Variants in SLC6A11 observed in about 807,000 individuals in gnomAD.
SLC6A11 encodes the protein sodium- and chloride-dependent GABA transporter 3.
Under a neutral mutation model 74.8 loss-of-function variants are expected in SLC6A11, and 25 were observed. That is an observed-to-expected ratio of 0.33 (90% CI 0.24 to 0.47). The LOEUF (loss-of-function observed/expected upper bound fraction) is 0.47, where lower values mean the gene tolerates loss of function less well. Ranked by LOEUF, SLC6A11 falls within the 20% of genes least tolerant of loss-of-function variation. SLC6A11 has a pLI of 1.00. For missense variants in SLC6A11, 574 were observed against 837.0 expected (o/e 0.69, Z 3.88); for synonymous variants, 330 against 330.2 (o/e 1.00, Z 0.01).
intron 6 of SLC6A11, among the ~76,000 whole-genome samples, chr3:10,906,694 A>G (rs1465678239): frequency 5.3e-5 from 8 of 152,198 alleles, no homozygotes; most frequent in Admixed American, 5.2e-4. Context: ...GGCTTCATGG[A>G]TATTAAGGAG....
intron 10 of SLC6A11, 37 bp downstream of exon 10, chr3:10,929,376 G>A (rs763146831): frequency 5.4e-5 from 86 of 1,606,262 alleles, no homozygotes; most frequent in Non-Finnish European, 7.2e-5. Context: ...GGGTGAAGTG[G>A]GTGTGTGACG....
chr3:10,932,012 G>T (rs1293733379), intron 10 of SLC6A11, among the ~76,000 whole-genome samples: 1 of 151,624 alleles, frequency 6.6e-6, no homozygotes, highest in Non-Finnish European at 1.5e-5. Flanking sequence ...TGGTATTCAG[G>T]CTACCCCACC....
At chr3:10,924,199 TATA>T (rs1251037954) in intron 8 of SLC6A11, among the ~76,000 whole-genome samples, 1 of 152,202 alleles carries the variant, frequency 6.6e-6, no homozygotes, top group Non-Finnish European at 1.5e-5. Context: ...TTAATGGTAT[TATA>T]CCAATATTAA....
intron 12 of SLC6A11, 70 bp from the exon 13 acceptor site, chr3:10,934,959 C>A: frequency 7.2e-7 from 1 of 1,379,674 alleles, no homozygotes; most frequent in Non-Finnish European, 1.0e-6. Context: ...TGTTCCTGGG[C>A]CTCAGACCCC....
At chr3:10,823,421 G>C in intron 4 of SLC6A11, 29 bp downstream of exon 4, 1 of 1,430,580 alleles carries the variant, frequency 7.0e-7, no homozygotes, top group Non-Finnish European at 9.9e-7. Flanking sequence ...GTCTCCCTTG[G>C]CCTGTGGGGG....
intron 4 of SLC6A11, among the ~76,000 whole-genome samples, chr3:10,838,817 G>A (rs539753514): frequency 1.3e-5 from 2 of 152,288 alleles, no homozygotes; most frequent in African/African-American, 4.8e-5. Flanking sequence ...CATGAAATGG[G>A]TATAATCATG....
intron 5 of SLC6A11, among the ~76,000 whole-genome samples, chr3:10,847,729 A>T (rs889269433): frequency 2.0e-5 from 3 of 152,174 alleles, no homozygotes; most frequent in Admixed American, 6.5e-5. Flanking sequence ...CCGTGGATTG[A>T]TAGGTAAGCT....
At position 10,926,534 on chromosome 3, in the gene SLC6A11, G is replaced by A. The variant is rs1695609515; in HGVS notation, c.1233+418G>A. On this transcript the variant is annotated intron_variant, in intron 9 of 13. Transcript: ENST00000254488. The surrounding 1 kb of genome is among the most constrained non-coding windows in gnomAD (Gnocchi z 5.7). ...ATGTCCCCATCCCAACCCAATCATT[G>A]AGGACACGGACACATAGAAAAGCAC... Among the ~76,000 whole-genome samples, 2 of 152,010 alleles carry A rather than the reference G, an allele frequency of 1.3e-5. No homozygotes were observed. The highest frequency in any genetic ancestry group is 6.5e-5 in the Admixed American group (1 of 15,286).
At position 10,823,310 on chromosome 3, in the gene SLC6A11, G is replaced by A. The variant is rs1448176301; in HGVS notation, c.541G>A (p.Val181Met). ...TCTTGTTTCCACTGTAGAGAATTGT[G>A]TGGAGTTCCAGAAACTGAATGTGAG... is the stretch of plus-strand genomic sequence containing the variant. The part of the protein sequence containing the change: ...CGHEWNTENC[V>M]EFQKLNVSNY... Residue 181 changes from valine (V) to methionine (M), a missense_variant, in exon 4 of 14, where the codon GTG (valine) becomes ATG (methionine). Val to Met is a conservative substitution (Grantham distance 21, BLOSUM62 1). Coordinates refer to ENST00000254488, the MANE Select transcript of SLC6A11 (RefSeq NM_014229.3). 1.9e-6 allele frequency: 3 copies of A among 1,609,586 alleles called. No homozygotes were observed. Among genetic ancestry groups the A allele is most frequent in the Non-Finnish European group, 2.6e-6 (3 of 1,175,942 alleles).
intron 3 of SLC6A11, among the ~76,000 whole-genome samples, chr3:10,820,255 G>A (rs1290561119): frequency 6.6e-6 from 1 of 152,200 alleles, no homozygotes. Context: ...CCAGATCAAG[G>A]GCTGCAGACA....
At chr3:10,869,249 G>T (rs1308291273) in intron 5 of SLC6A11, among the ~76,000 whole-genome samples, 1 of 152,216 alleles carries the variant, frequency 6.6e-6, no homozygotes, top group Non-Finnish European at 1.5e-5. Context: ...AATGACAGGG[G>T]TGATGAATGT....
intron 1 of SLC6A11, among the ~76,000 whole-genome samples, chr3:10,818,827 T>C (rs1452456479): frequency 6.6e-6 from 1 of 152,240 alleles, no homozygotes; most frequent in Non-Finnish European, 1.5e-5. Context: ...ACAGGAACAC[T>C]AATGCTTAGT....
intron 5 of SLC6A11, among the ~76,000 whole-genome samples, chr3:10,867,644 C>G (rs1434352185): frequency 6.6e-6 from 1 of 152,154 alleles, no homozygotes; most frequent in Non-Finnish European, 1.5e-5. Context: ...TGGTCCTTTC[C>G]CACAAATCCA....
At chr3:10,920,788 G>A (rs959816730) in intron 8 of SLC6A11, among the ~76,000 whole-genome samples, 1 of 152,232 alleles carries the variant, frequency 6.6e-6, no homozygotes, top group Non-Finnish European at 1.5e-5. Flanking sequence ...TCCATAAGCA[G>A]TGCAGCCTGG....
chr3:10,862,431 T>A (rs1420483570), intron 5 of SLC6A11, among the ~76,000 whole-genome samples: 1 of 152,206 alleles, frequency 6.6e-6, no homozygotes, highest in Non-Finnish European at 1.5e-5. Flanking sequence ...TGAAATAGGC[T>A]TAAACACTAG....
intron 6 of SLC6A11, 36 bp downstream of exon 6, chr3:10,875,131 C>T: frequency 6.5e-7 from 1 of 1,547,690 alleles, no homozygotes; most frequent in Non-Finnish European, 8.8e-7. Flanking sequence ...GCATCACCCA[C>T]CACCACTGGG....
intron 4 of SLC6A11, among the ~76,000 whole-genome samples, chr3:10,836,395 GT>G (rs1272832736): frequency 3.9e-5 from 6 of 152,178 alleles, no homozygotes; most frequent in South Asian, 2.1e-4. Flanking sequence ...AAATTGCTGG[GT>G]TTTGTGTTTA....
chr3:10,860,893 A>T (rs1694695195), intron 5 of SLC6A11, among the ~76,000 whole-genome samples: 1 of 152,218 alleles, frequency 6.6e-6, no homozygotes. Flanking sequence ...CTTCATAGGA[A>T]ATCCAGGTAG....
At chr3:10,903,259 T>C (rs1163477269) in intron 6 of SLC6A11, among the ~76,000 whole-genome samples, 1 of 152,226 alleles carries the variant, frequency 6.6e-6, no homozygotes, top group Non-Finnish European at 1.5e-5. Flanking sequence ...GGAGGCTCTC[T>C]TTGCAGATTT....
Sources: allele counts gnomAD v4.1 joint callset (sites outside exome capture counted in the v4.1 genomes callset), GRCh38; gene constraint gnomAD v4.1.1; non-coding constraint Gnocchi (gnomAD v3.1); transcripts MANE v1.5; gene names NCBI Gene and HGNC (gene_info 2026-07-23, HGNC 2026-07-21).